PTPRQ: variants seen among roughly 807,000 people sequenced by gnomAD.
PTPRQ encodes the protein phosphatidylinositol phosphatase PTPRQ.
A neutral mutation model predicts 246.0 loss-of-function variants in PTPRQ; 199 were observed. The ratio of observed to expected loss-of-function variants is 0.81; its 90% CI spans 0.72 to 0.91. PTPRQ has a LOEUF of 0.91. Ranked by LOEUF, PTPRQ falls within the 40% of genes least tolerant of loss-of-function variation. PTPRQ has a pLI of 0.00. For missense variants in PTPRQ, 2,624 were observed against 2,528.4 expected (o/e 1.04, Z -0.81); for synonymous variants, 869 against 853.2 (o/e 1.02, Z -0.32).
chr12:80,627,579 A>T (rs1339897762), intron 33 of PTPRQ, among the ~76,000 whole-genome samples: 2 of 152,016 alleles, frequency 1.3e-5, no homozygotes, highest in East Asian at 3.9e-4. Flanking sequence ...TTGGATACAT[A>T]TGCTGAATTT....
intron 9 of PTPRQ, among the ~76,000 whole-genome samples, chr12:80,491,156 G>A (rs1894436838): frequency 6.6e-6 from 1 of 151,956 alleles, no homozygotes. Flanking sequence ...TTGATGGGAT[G>A]TTATGCTTTA....
intron 32 of PTPRQ, among the ~76,000 whole-genome samples, chr12:80,620,921 A>G (rs1261813366): frequency 6.6e-6 from 1 of 151,958 alleles, no homozygotes; most frequent in African/African-American, 2.4e-5. Flanking sequence ...AATCAATTTG[A>G]TATTTTGGCT....
chr12:80,518,846 T>A (rs1417332868), intron 17 of PTPRQ, among the ~76,000 whole-genome samples: 2 of 152,194 alleles, frequency 1.3e-5, no homozygotes. Flanking sequence ...GTGTCTGTTT[T>A]TATGCCAGTA....
At chr12:80,454,420 G>GA in intron 3 of PTPRQ, 1 of 616,592 alleles carries the variant, frequency 1.6e-6, no homozygotes, top group Non-Finnish European at 2.9e-6. Context: ...AGATGAACCC[G>GA]GTACCTCAGA....
chr12:80,517,513 T>C (rs984961905), intron 17 of PTPRQ, among the ~76,000 whole-genome samples: 2 of 152,138 alleles, frequency 1.3e-5, no homozygotes, highest in Non-Finnish European at 2.9e-5. Context: ...AACAATCCAA[T>C]TATACTCTTT....
chr12:80,659,797 C>T (rs930771227), intron 39 of PTPRQ, among the ~76,000 whole-genome samples: 5 of 151,984 alleles, frequency 3.3e-5, no homozygotes, highest in Non-Finnish European at 7.4e-5. Flanking sequence ...GTCACTATGA[C>T]CCAATGTAAT....
At chr12:80,591,364 A>G (rs1468691122) in intron 26 of PTPRQ, among the ~76,000 whole-genome samples, 1 of 152,074 alleles carries the variant, frequency 6.6e-6, no homozygotes, top group East Asian at 1.9e-4. Flanking sequence ...CTTGGGCTCA[A>G]GTGATCCTCC....
intron 16 of PTPRQ, among the ~76,000 whole-genome samples, chr12:80,507,423 TG>T (rs2120702964): frequency 6.6e-6 from 1 of 152,096 alleles, no homozygotes; most frequent in African/African-American, 2.4e-5. Flanking sequence ...TACGTGTTTG[TG>T]GAGTATCTTT....
intron 35 of PTPRQ, among the ~76,000 whole-genome samples, chr12:80,646,736 C>T (rs541715625): frequency 2.6e-5 from 4 of 151,220 alleles, no homozygotes; most frequent in South Asian, 2.1e-4. Flanking sequence ...AATAAATTTA[C>T]GATGATGTAT....
chr12:80,486,985 A>G (rs1157791487), intron 9 of PTPRQ, among the ~76,000 whole-genome samples: 1 of 152,176 alleles, frequency 6.6e-6, no homozygotes, highest in Non-Finnish European at 1.5e-5. Flanking sequence ...AAGTTCAAAA[A>G]GCTAACTCTC....
chr12:80,562,204 T>G (rs997089629), intron 25 of PTPRQ, among the ~76,000 whole-genome samples: 4 of 152,184 alleles, frequency 2.6e-5, no homozygotes, highest in Non-Finnish European at 5.9e-5. Flanking sequence ...GATATTTTGT[T>G]AAGGATTTTT....
intron 7 of PTPRQ, among the ~76,000 whole-genome samples, chr12:80,471,500 C>T (rs11114467): frequency 0.22 from 581 of 2,702 alleles, 82 homozygotes; most frequent in Middle Eastern, 0.5. Context: ...TTATTTGAGA[C>T]AGAGTCTCGC....
At chr12:80,594,008 C>T (rs1592696778) in intron 26 of PTPRQ, among the ~76,000 whole-genome samples, 4 of 151,776 alleles carry the variant, frequency 2.6e-5, no homozygotes, top group Middle Eastern at 6.8e-3. Context: ...ATTTTAACTA[C>T]CCAAACATCT....
In PTPRQ at chr12:80,496,294, G is replaced by A. The variant is rs745470985; in HGVS notation, c.2035G>A (p.Ala679Thr). 42 of 1,550,492 alleles carry A rather than the reference G, an allele frequency of 2.7e-5. No individual in the cohort carries two copies. The highest frequency in any genetic ancestry group is 4.9e-5 in the East Asian group (2 of 40,880). ...AGATGTCGAAGTAATTGATGTTACC[G>A]CAGATGAAATAAGGTTGAAGTGGTC... ...PQDVEVIDVT[A>T]DEIRLKWSPP... Residue 679 changes from alanine to threonine, a missense_variant, in exon 14 of 45, where the codon GCA becomes ACA. Physicochemically the swap from Ala to Thr is moderately conservative, Grantham distance 58. Transcript: ENST00000644991.
Position 80,542,738 on chromosome 12 carries a change from G to A in PTPRQ, c.3730G>A (p.Ala1244Thr), listed in dbSNP as rs568538073. ...FFYTDESVPL[A>T]PPQNLTLINC... ...CATGTGTTTTCCTACAGTGCCGTTA[G>A]CACCTCCACAAAATTTGACTTTAAT... is the stretch of plus-strand genomic sequence containing the variant. Residue 1244 changes from alanine (A) to threonine (T), a missense_variant, in exon 23 of 45, where the codon GCA becomes ACA. Ala to Thr is a moderately conservative substitution (Grantham distance 58, BLOSUM62 0). Transcript: ENST00000644991. The A allele has an allele frequency of 1.9e-6, 3 of 1,543,008 alleles. No homozygotes were observed. Among genetic ancestry groups the A allele is most frequent in the South Asian group, 1.2e-5 (1 of 81,652 alleles).
intron 6 of PTPRQ, among the ~76,000 whole-genome samples, chr12:80,464,014 A>C (rs975786353): frequency 5.3e-5 from 8 of 152,110 alleles, no homozygotes; most frequent in African/African-American, 1.9e-4. Flanking sequence ...ATTCACACAT[A>C]ACAATATTAA....
intron 35 of PTPRQ, among the ~76,000 whole-genome samples, chr12:80,638,106 A>G (rs1899724953): frequency 6.6e-6 from 1 of 151,972 alleles, no homozygotes; most frequent in Non-Finnish European, 1.5e-5. Flanking sequence ...CATCTCTACT[A>G]AAAATACAAA....
chr12:80,446,794 T>C (rs947281228), intron 3 of PTPRQ, among the ~76,000 whole-genome samples: 2 of 152,050 alleles, frequency 1.3e-5, no homozygotes, highest in Admixed American at 6.6e-5. Flanking sequence ...CCATGGTGTA[T>C]ATATACCACA....
chr12:80,618,539 GTACATA>G (rs1359938490), intron 30 of PTPRQ, among the ~76,000 whole-genome samples: 3 of 151,456 alleles, frequency 2.0e-5, no homozygotes, highest in African/African-American at 7.3e-5. Flanking sequence ...AAGGTTAAAA[GTACATA>G]TATCTTTTGT....
Sources: gnomAD v4.1 joint callset for allele counts (sites outside exome capture counted in the v4.1 genomes callset) on GRCh38, gnomAD v4.1.1 for gene constraint, MANE v1.5 for transcripts, NCBI Gene and HGNC (gene_info 2026-07-23, HGNC 2026-07-21) for gene names.